Variants in WDR17 observed in about 807,000 individuals in gnomAD.
WDR17 encodes the protein WD repeat domain 17.
Under a neutral mutation model 161.7 loss-of-function variants are expected in WDR17, and 143 were observed. The ratio of observed to expected loss-of-function variants is 0.88; its 90% CI spans 0.77 to 1.02. The LOEUF is 1.02. Among genes scored for constraint, WDR17 ranks in the 50% least tolerant of loss-of-function variants. WDR17 has a pLI of 0.00. For synonymous variants in WDR17, 517 were observed against 515.6 expected, an observed-to-expected ratio of 1.00 and a Z score of -0.04; for missense variants, 1,469 against 1,520.9, an observed-to-expected ratio of 0.97 and a Z score of 0.57.
At position 176,163,235 on chromosome 4, in the gene WDR17, C is replaced by T. The variant is rs768652283; in HGVS notation, c.2932C>T (p.Pro978Ser). 8 of 1,613,702 alleles carry T rather than the reference C, an allele frequency of 5.0e-6. No homozygotes were observed. Among genetic ancestry groups the T allele is most frequent in the East Asian group, 2.2e-5 (1 of 44,856 alleles). Residue 978 changes from proline to serine, a missense_variant, in exon 22 of 29, where the codon CCA (proline) becomes TCA (serine). Transcript: ENST00000508596. ...VGTVLGESAA[P>S]ATHYALELLA... ...CACAGTACTAGGAGAGTCTGCAGCA[C>T]CAGCAACCCACTATGCCTTAGAATT...
intron 6 of WDR17, 46 bp downstream of exon 6, chr4:176,128,906 G>T: frequency 6.8e-7 from 1 of 1,465,892 alleles, no homozygotes; most frequent in Non-Finnish European, 9.1e-7. Context: ...AAAATATTGT[G>T]TTTTCTATCA....
chr4:176,092,996 T>C (rs1315524789), intron 1 of WDR17, among the ~76,000 whole-genome samples: 1 of 152,022 alleles, frequency 6.6e-6, no homozygotes, highest in African/African-American at 2.4e-5. Flanking sequence ...GAGCCCAGAT[T>C]GTGCCACTAC....
chr4:176,133,189 T>TA (rs1255100168), intron 7 of WDR17, among the ~76,000 whole-genome samples: 27 of 146,162 alleles, frequency 1.8e-4, no homozygotes, highest in African/African-American at 6.2e-4. Context: ...TTTTTATTTT[T>TA]TTTTTTTTAC....
At chr4:176,086,429 C>T (rs1221604806) in intron 1 of WDR17, among the ~76,000 whole-genome samples, 1 of 151,326 alleles carries the variant, frequency 6.6e-6, no homozygotes, top group African/African-American at 2.4e-5. Flanking sequence ...TTAATTGTGT[C>T]ATTCTTTTTT....
intron 1 of WDR17, among the ~76,000 whole-genome samples, chr4:176,089,433 G>C (rs950387381): frequency 3.3e-5 from 5 of 152,036 alleles, no homozygotes; most frequent in Non-Finnish European, 7.4e-5. Context: ...CTACAATTTT[G>C]ATCCCCAGTT....
intron 22 of WDR17, among the ~76,000 whole-genome samples, chr4:176,166,652 G>C (rs1749816057): frequency 3.9e-5 from 6 of 152,076 alleles, no homozygotes; most frequent in Admixed American, 3.9e-4. Flanking sequence ...AGTTTGAATA[G>C]AATTTTAGCA....
intron 1 of WDR17, among the ~76,000 whole-genome samples, chr4:176,089,567 T>C (rs1450631328): frequency 6.6e-6 from 1 of 152,138 alleles, no homozygotes; most frequent in East Asian, 1.9e-4. Flanking sequence ...GAGTGCTGAG[T>C]GTTTGCATGT....
intron 22 of WDR17, 85 bp from the exon 23 acceptor site, chr4:176,168,587 A>G: frequency 6.6e-7 from 1 of 1,507,776 alleles, no homozygotes; most frequent in Admixed American, 1.8e-5. Context: ...GGTATATTAT[A>G]TGAATTGCCC....
intron 1 of WDR17, 47 bp from the exon 2 acceptor site, chr4:176,111,528 T>C: frequency 6.3e-7 from 1 of 1,578,558 alleles, no homozygotes; most frequent in Non-Finnish European, 8.6e-7. Flanking sequence ...TGAGGAAGTT[T>C]ATCAATAATG....
intron 28 of WDR17, 37 bp from the exon 29 acceptor site, chr4:176,179,423 A>G: frequency 1.4e-6 from 2 of 1,444,266 alleles, no homozygotes; most frequent in Non-Finnish European, 9.2e-7. Flanking sequence ...GCAAATTTAT[A>G]ATCTCATCTT....
rs1265560937 is a variant in WDR17, at chr4:176,182,341, AATAT to A, written c.*2767_*2770del. The A allele has an allele frequency of 1.3e-5, 2 of 151,696 alleles. No individual in the cohort carries two copies. The highest frequency in any genetic ancestry group is 2.1e-4 in the South Asian group (1 of 4,818). The allele number at this position is 151,696 out of a possible 1,614,324, so 9.4% of individuals were successfully genotyped here. A position where few individuals can be genotyped will look rare whatever the true frequency, so the allele number is the denominator to read the frequency against. The stretch of plus-strand genomic sequence containing the variant: ...TTTTTATGTCAATCAAGACAAATGA[AATAT>A]ATATGTATGTGTATATATATACATG... On this transcript the variant is annotated 3_prime_UTR_variant, in exon 29 of 29. Coordinates refer to ENST00000508596, the MANE Select transcript of WDR17 (RefSeq NM_181265.4). This position sits in a 1 kb window ranked among gnomAD's most constrained non-coding sequence, Gnocchi z 4.2.
Position 176,151,793 on chromosome 4 carries a change from A to C in WDR17, c.2305-19A>C, listed in dbSNP as rs574050632. 2 of 1,544,180 alleles carry C rather than the reference A, an allele frequency of 1.3e-6. No homozygotes were observed. Among genetic ancestry groups the C allele is most frequent in the Non-Finnish European group, 1.7e-6 (2 of 1,151,312 alleles). On this transcript the variant is annotated intron_variant, in intron 16 of 28. Coordinates refer to ENST00000508596, the MANE Select transcript of WDR17 (RefSeq NM_181265.4). ...AATATGTCAAATTTTTTTAAATTCT[A>C]TTTTCTTTTTAAAACCAGTCTGAAG...
At chr4:176,126,104 A>T (rs1742405530) in intron 5 of WDR17, among the ~76,000 whole-genome samples, 1 of 152,182 alleles carries the variant, frequency 6.6e-6, no homozygotes, top group African/African-American at 2.4e-5. Context: ...CTCTGATTAG[A>T]CCCTATCTCC....
intron 23 of WDR17, 73 bp downstream of exon 23, chr4:176,168,856 A>G (rs1750277838): frequency 2.0e-6 from 3 of 1,507,980 alleles, no homozygotes; most frequent in East Asian, 2.3e-5. Context: ...GTTCAAGCAA[A>G]TAGAGATGCA....
intron 2 of WDR17, among the ~76,000 whole-genome samples, chr4:176,113,189 C>G (rs1380571481): frequency 6.6e-6 from 1 of 151,944 alleles, no homozygotes; most frequent in Non-Finnish European, 1.5e-5. Context: ...CCAAGCTTGT[C>G]ACTCCCAAAT....
rs34451055 is a variant in WDR17, at chr4:176,152,595, CAAAAAAAAAAAAAAAA to C, written c.2460+640_2460+655del. ...TACTCCAGCCTGGGTAACTCCATCTCAAAAAAAAAAAAAAAAAAAAAAAAAAAGGGAAAGAAATGTA... is the reference window on the plus strand; with the variant it reads ...TACTCCAGCCTGGGTAACTCCATCTCAAAAAAAAAAAGGGAAAGAAATGTA... On this transcript the variant is annotated intron_variant, in intron 17 of 28. Coordinates refer to ENST00000508596, the MANE Select transcript of WDR17 (RefSeq NM_181265.4). Among the ~76,000 whole-genome samples, 7 of 37,246 alleles carry C rather than the reference CAAAAAAAAAAAAAAAA, an allele frequency of 1.9e-4. No individual in the cohort carries two copies. The South Asian group carries it at 7.5e-3, about 40-fold the overall frequency. The allele number at this position is 37,246 out of a possible 152,430, so 24.4% of individuals were successfully genotyped here.
chr4:176,146,262 C>A (rs1470380210), intron 12 of WDR17, 103 bp downstream of exon 12: 4 of 1,172,736 alleles, frequency 3.4e-6, no homozygotes, highest in Non-Finnish European at 4.6e-6. Context: ...TATACAGAGT[C>A]TCCCTCTGTC....
intron 9 of WDR17, 24 bp from the exon 10 acceptor site, chr4:176,139,868 A>G (rs765117862): frequency 7.7e-6 from 12 of 1,565,598 alleles, no homozygotes; most frequent in East Asian, 2.2e-5. Flanking sequence ...TTTCTTATTG[A>G]TAGGTATTTT....
At chr4:176,101,071 T>C (rs1488642000) in intron 1 of WDR17, among the ~76,000 whole-genome samples, 2 of 152,170 alleles carry the variant, frequency 1.3e-5, no homozygotes, top group Non-Finnish European at 2.9e-5. Context: ...CTATTTGTGC[T>C]CTTGTTTGGT....
Sources: gnomAD v4.1 joint callset for allele counts (sites outside exome capture counted in the v4.1 genomes callset) on GRCh38, gnomAD v4.1.1 for gene constraint, Gnocchi (gnomAD v3.1) non-coding constraint, MANE v1.5 for transcripts, NCBI Gene and HGNC (gene_info 2026-07-23, HGNC 2026-07-21) for gene names.